Variants in MACROD2 observed in about 807,000 individuals in gnomAD.
MACROD2 encodes mono-ADP ribosylhydrolase 2.
In MACROD2, 36 loss-of-function variants were observed where a neutral mutation model predicts 70.4. The ratio of observed to expected loss-of-function variants is 0.51; its 90% CI spans 0.39 to 0.68. The LOEUF is 0.68. Ranked by LOEUF, MACROD2 falls within the 30% of genes least tolerant of loss-of-function variation. MACROD2 has a pLI of 0.00. For synonymous variants in MACROD2, 172 were observed against 178.8 expected, an observed-to-expected ratio of 0.96 and a Z score of 0.30; for missense variants, 496 against 538.4, an observed-to-expected ratio of 0.92 and a Z score of 0.78.
chr20:15,340,138 T>C (rs2078094269), intron 6 of MACROD2, among the ~76,000 whole-genome samples: 1 of 86,800 alleles, frequency 1.2e-5, no homozygotes, highest in Non-Finnish European at 2.2e-5. Context: ...TTCTTTTTTT[T>C]TTTTTTTTTT....
chr20:15,406,452 A>G (rs1478750155), intron 6 of MACROD2, among the ~76,000 whole-genome samples: 2 of 152,212 alleles, frequency 1.3e-5, no homozygotes, highest in African/African-American at 2.4e-5. Context: ...TGGATTAATC[A>G]TATTATAATT....
At position 15,754,793 on chromosome 20, in the gene MACROD2, A is replaced by G. The variant is rs139091281; in HGVS notation, c.646-107952A>G. Among the ~76,000 whole-genome samples the G allele has an allele frequency of 1.2e-4, 18 of 149,814 alleles. No individual in the cohort carries two copies. In the East Asian group the frequency reaches 3.6e-3, roughly 30 times the overall value. On this transcript the variant is annotated intron_variant, in intron 8 of 17. Coordinates refer to ENST00000684519, the MANE Select transcript of MACROD2 (RefSeq NM_001351661.2). ...AGAATTATATTTCAAATGTTAATCT[A>G]TGTTAGAATCACCTGGAGGGATTCT...
chr20:14,397,258 G>T (rs1323648655), intron 3 of MACROD2, among the ~76,000 whole-genome samples: 2 of 152,042 alleles, frequency 1.3e-5, no homozygotes, highest in African/African-American at 4.8e-5. Flanking sequence ...CTCCCAAAGT[G>T]CTGGGATTAC....
chr20:15,086,116 A>T lies in MACROD2; in HGVS notation c.419-143824A>T, dbSNP rs906033629. Among the ~76,000 whole-genome samples, 5 of 152,230 alleles carry T rather than the reference A, an allele frequency of 3.3e-5. No individual in the cohort carries two copies. In the East Asian group the frequency reaches 5.8e-4, roughly 18 times the overall value. ...CACATCTTGTTAAGTCCTCCAGGTG[A>T]TTCTGATGCATGTTAACATCTGAGA... On this transcript the variant is annotated intron_variant, in intron 5 of 17. Transcript: ENST00000684519.
chr20:15,923,345 C>T (rs2065440600), intron 10 of MACROD2, among the ~76,000 whole-genome samples: 1 of 152,126 alleles, frequency 6.6e-6, no homozygotes, highest in Admixed American at 6.5e-5. Flanking sequence ...CCCTGATAAA[C>T]CCATCAGATC....
intron 5 of MACROD2, among the ~76,000 whole-genome samples, chr20:14,977,686 T>C (rs922960788): frequency 6.6e-6 from 1 of 152,060 alleles, no homozygotes; most frequent in African/African-American, 2.4e-5. Flanking sequence ...CCTGGCACAC[T>C]GTGAACAACA....
In MACROD2 at chr20:14,051,887, T is replaced by C. The variant is rs563024925; in HGVS notation, c.164-33734T>C. 1.5e-5 allele frequency: 8 copies of C among 516,238 alleles called. No individual in the cohort carries two copies. In the East Asian group the frequency reaches 4.4e-4, roughly 28 times the overall value. The allele number at this position is 516,238 out of a possible 1,614,324, so 32.0% of individuals were successfully genotyped here. On this transcript the variant is annotated intron_variant, in intron 2 of 17. Coordinates refer to ENST00000684519, the MANE Select transcript of MACROD2 (RefSeq NM_001351661.2). ...ATCCTTGGTTTCAATATGCCACATC[T>C]ACTATAAACTTCTGAACCCTCCACC...
intron 4 of MACROD2, among the ~76,000 whole-genome samples, chr20:14,560,553 TTAA>T (rs1484179838): frequency 6.6e-6 from 1 of 151,928 alleles, no homozygotes; most frequent in East Asian, 1.9e-4. Context: ...ACTCATTTTA[TTAA>T]TGATTATTAC....
chr20:14,301,648 C>T (rs2082476082), intron 3 of MACROD2, among the ~76,000 whole-genome samples: 1 of 152,180 alleles, frequency 6.6e-6, no homozygotes, highest in Non-Finnish European at 1.5e-5. Context: ...TCTATTGATT[C>T]TCACTTTTCT....
chr20:14,953,109 A>G (rs1600865554), intron 5 of MACROD2, among the ~76,000 whole-genome samples: 3 of 152,212 alleles, frequency 2.0e-5, no homozygotes, highest in African/African-American at 7.2e-5. Flanking sequence ...AGACCAGAAA[A>G]AAAAGGGCCT....
At chr20:15,143,274 A>AT (rs988142680) in intron 5 of MACROD2, among the ~76,000 whole-genome samples, 88 of 152,098 alleles carry the variant, frequency 5.8e-4, no homozygotes, top group African/African-American at 2.1e-3. Context: ...GATGATGAGC[A>AT]TTTTTTTCAT....
chr20:14,085,923 C>A (rs1404407302), intron 3 of MACROD2, among the ~76,000 whole-genome samples, 195 bp downstream of exon 3: 1 of 151,314 alleles, frequency 6.6e-6, no homozygotes, highest in African/African-American at 2.4e-5. Context: ...TCTACAGTAC[C>A]CTCTACAGTG....
intron 6 of MACROD2, among the ~76,000 whole-genome samples, chr20:15,386,648 C>G (rs925457957): frequency 6.6e-6 from 1 of 152,134 alleles, no homozygotes; most frequent in Admixed American, 6.6e-5. Context: ...TATCAGACCC[C>G]TTGCAATTTT....
chr20:15,104,457 CATAAACAA>C (rs909999525), intron 5 of MACROD2, among the ~76,000 whole-genome samples: 2 of 152,082 alleles, frequency 1.3e-5, no homozygotes, highest in African/African-American at 4.8e-5. Context: ...GCTATAAACC[CATAAACAA>C]ATTATGGACA....
intron 6 of MACROD2, among the ~76,000 whole-genome samples, chr20:15,260,027 T>G (rs1391229575): frequency 2.6e-5 from 4 of 152,052 alleles, no homozygotes; most frequent in Middle Eastern, 3.4e-3. Flanking sequence ...GTTGTACATA[T>G]GTATGTGGTA....
intron 3 of MACROD2, among the ~76,000 whole-genome samples, chr20:14,097,466 A>G (rs780686033): frequency 2.0e-5 from 3 of 152,188 alleles, no homozygotes; most frequent in Non-Finnish European, 4.4e-5. Flanking sequence ...TAAAAATGGA[A>G]AGTGAAGAAA....
At position 15,127,084 on chromosome 20, in the gene MACROD2, C is replaced by A. The variant is rs56060146; in HGVS notation, c.419-102856C>A. ...CACTGCCACACTCTTGGTTTTAAAG[C>A]CTTTTTGTTTCCAAAGGGAATGCTT... is the stretch of plus-strand genomic sequence containing the variant. On this transcript the variant is annotated intron_variant, in intron 5 of 17. Transcript: ENST00000684519. Among the ~76,000 whole-genome samples the A allele has an allele frequency of 2.6e-3, 396 of 152,170 alleles. 3 individuals are homozygous for A. Among genetic ancestry groups the A allele is most frequent in the African/African-American group, 8.9e-3 (369 of 41,532 alleles).
chr20:14,346,285 A>G (rs1187508923), intron 3 of MACROD2, among the ~76,000 whole-genome samples: 1 of 152,202 alleles, frequency 6.6e-6, no homozygotes, highest in African/African-American at 2.4e-5. Flanking sequence ...TAAACACTAC[A>G]AGACGTATGA....
intron 3 of MACROD2, among the ~76,000 whole-genome samples, chr20:14,092,165 GT>G (rs2054158458): frequency 6.6e-6 from 1 of 152,034 alleles, no homozygotes; most frequent in African/African-American, 2.4e-5. Flanking sequence ...AGCTAATCAT[GT>G]TTTTTGATAT....
Sources: gnomAD v4.1 joint callset for allele counts (sites outside exome capture counted in the v4.1 genomes callset) on GRCh38, gnomAD v4.1.1 for gene constraint, MANE v1.5 for transcripts, NCBI Gene and HGNC (gene_info 2026-07-23, HGNC 2026-07-21) for gene names.